The following KAZN variants were observed in gnomAD, a reference collection of about 807,000 sequenced individuals.
The protein encoded by KAZN is kazrin, periplakin interacting protein, also known as kazrin.
Under a neutral mutation model 87.4 loss-of-function variants are expected in KAZN, and 40 were observed. The ratio of observed to expected loss-of-function variants is 0.46; its 90% confidence interval spans 0.36 to 0.60. The LOEUF (loss-of-function observed/expected upper bound fraction) is 0.60, where lower values mean the gene tolerates loss of function less well. Among genes scored for constraint, KAZN ranks in the 20% least tolerant of loss-of-function variants. The probability of loss-of-function intolerance (pLI) is 0.00; values close to 1 mark genes in which losing one functional copy is unlikely to be tolerated. For missense variants in KAZN, 898 were observed against 1,073.9 expected (o/e 0.84, Z 2.29); for synonymous variants, 466 against 458.3 (o/e 1.02, Z -0.22).
chr1:14,819,924 G>C (rs1293175642), intron 1 of KAZN, among the ~76,000 whole-genome samples: 1 of 151,890 alleles, frequency 6.6e-6, no homozygotes, highest in Non-Finnish European at 1.5e-5. Context: ...TGGCCAGGCT[G>C]GTCTTGAACT....
At chr1:14,472,613 A>C (rs1668512928) in intron 2 of KAZN, among the ~76,000 whole-genome samples, 1 of 151,794 alleles carries the variant, frequency 6.6e-6, no homozygotes, top group South Asian at 2.1e-4. Context: ...AATATTAATG[A>C]GCATCAGTAA....
intron 1 of KAZN, among the ~76,000 whole-genome samples, chr1:13,959,255 A>G (rs960234101): frequency 1.3e-5 from 2 of 152,074 alleles, no homozygotes; most frequent in African/African-American, 4.8e-5. Flanking sequence ...ACCAAAACCA[A>G]ATCTGCCACC....
At chr1:14,133,375 AAAAAAGAAAGAAAGAAAGAAAGAAAG>A (rs1226086532) in intron 1 of KAZN, among the ~76,000 whole-genome samples, 1,351 of 82,890 alleles carry the variant, frequency 0.016, 149 homozygotes, top group African/African-American at 0.077. Context: ...CAAAAAAAAA[AAAAAAGAAAGAAAGAAAGAAAGAAAG>A]AAAGAAAGAA....
At chr1:14,115,335 A>G (rs1000179112) in intron 1 of KAZN, among the ~76,000 whole-genome samples, 4 of 152,168 alleles carry the variant, frequency 2.6e-5, no homozygotes, top group Admixed American at 2.0e-4. Flanking sequence ...CCCCACCCAA[A>G]TCTCATCTTG....
chr1:14,402,835 T>TG (rs1417354484), intron 2 of KAZN, among the ~76,000 whole-genome samples: 1 of 151,816 alleles, frequency 6.6e-6, no homozygotes, highest in African/African-American at 2.4e-5. Context: ...ATAGAAACTT[T>TG]TTTTTTTTTT....
intron 2 of KAZN, among the ~76,000 whole-genome samples, chr1:14,527,927 A>G (rs994597422): frequency 3.9e-5 from 6 of 152,134 alleles, no homozygotes; most frequent in African/African-American, 1.4e-4. Context: ...ACATATCCAA[A>G]CTATAGCACT....
chr1:15,002,056 A>G (rs1283291208), intron 2 of KAZN, among the ~76,000 whole-genome samples: 4 of 151,216 alleles, frequency 2.6e-5, no homozygotes, highest in Admixed American at 2.6e-4. Flanking sequence ...AATTTTTTGT[A>G]TTTTTAGTAG....
At chr1:14,088,934 A>G (rs961066929) in intron 1 of KAZN, among the ~76,000 whole-genome samples, 4 of 150,630 alleles carry the variant, frequency 2.7e-5, no homozygotes, top group Non-Finnish European at 5.9e-5. Flanking sequence ...TACTTTTTCT[A>G]AGATTCATAC....
In KAZN at chr1:15,077,598, C is replaced by A; in HGVS notation, c.1222+11845C>A. Among the ~76,000 whole-genome samples, 1 of 152,192 alleles carries A rather than the reference C, an allele frequency of 6.6e-6. No homozygotes were observed. Among genetic ancestry groups the A allele is most frequent in the East Asian group, 1.9e-4 (1 of 5,186 alleles). On this transcript the variant is annotated intron_variant, in intron 8 of 14. Transcript: ENST00000376030. This position sits in a 1 kb window ranked among gnomAD's most constrained non-coding sequence, Gnocchi z 4.8. ...CAGGACCAGGTCAGCTGCTTGCAGC[C>A]ACGTGACTCAGTTGTTTTTTATAGT...
intron 1 of KAZN, among the ~76,000 whole-genome samples, chr1:14,013,605 G>C (rs558206370): frequency 6.6e-6 from 1 of 152,302 alleles, no homozygotes; most frequent in South Asian, 2.1e-4. Context: ...GCACCAGAAA[G>C]GAAGGGTTCG....
intron 4 of KAZN, among the ~76,000 whole-genome samples, chr1:15,051,584 C>G (rs557170795): frequency 1.3e-5 from 2 of 152,320 alleles, no homozygotes; most frequent in African/African-American, 4.8e-5. Context: ...GGACCAAGCA[C>G]TTTCCCAGCA....
intron 2 of KAZN, among the ~76,000 whole-genome samples, chr1:14,255,375 A>G (rs1341648498): frequency 6.6e-6 from 1 of 152,144 alleles, no homozygotes; most frequent in African/African-American, 2.4e-5. Context: ...TGGCAGGGAC[A>G]TATATTCAAA....
At chr1:14,391,060 C>T (rs967104674) in intron 2 of KAZN, among the ~76,000 whole-genome samples, 1 of 152,304 alleles carries the variant, frequency 6.6e-6, no homozygotes, top group African/African-American at 2.4e-5. Context: ...TTAACAGAGC[C>T]ACTCTGGCTG....
At chr1:14,263,827 C>T (rs1651266871) in intron 2 of KAZN, among the ~76,000 whole-genome samples, 1 of 152,192 alleles carries the variant, frequency 6.6e-6, no homozygotes, top group South Asian at 2.1e-4. Flanking sequence ...CTCTTAGAGA[C>T]CTACTGGCAC....
At chr1:14,283,373 TAGAAG>T (rs1382656718) in intron 2 of KAZN, among the ~76,000 whole-genome samples, 2 of 152,156 alleles carry the variant, frequency 1.3e-5, no homozygotes, top group Non-Finnish European at 2.9e-5. Flanking sequence ...AGGACATTGA[TAGAAG>T]AGGCTACTGA....
intron 2 of KAZN, among the ~76,000 whole-genome samples, chr1:14,486,229 G>T (rs1400686705): frequency 6.6e-6 from 1 of 152,138 alleles, no homozygotes; most frequent in Admixed American, 6.5e-5. Flanking sequence ...TAAGTTTAAA[G>T]ACATTAAGAT....
chr1:14,911,330 A>G (rs1415939219), intron 1 of KAZN, among the ~76,000 whole-genome samples: 2 of 152,210 alleles, frequency 1.3e-5, no homozygotes, highest in Non-Finnish European at 2.9e-5. Flanking sequence ...GAGAAGTGAG[A>G]TTGAATTCAT....
intron 2 of KAZN, among the ~76,000 whole-genome samples, chr1:14,469,832 A>T (rs1668356866): frequency 6.6e-6 from 1 of 152,206 alleles, no homozygotes; most frequent in Non-Finnish European, 1.5e-5. Context: ...ATTTGGGACT[A>T]ACCTCAGACA....
chr1:13,939,744 A>G (rs1640863559), intron 1 of KAZN, among the ~76,000 whole-genome samples: 2 of 152,194 alleles, frequency 1.3e-5, no homozygotes, highest in Non-Finnish European at 2.9e-5. Flanking sequence ...CTCATAGTCC[A>G]CAGGCTATAT....
Sources: gnomAD v4.1 joint callset for allele counts (sites outside exome capture counted in the v4.1 genomes callset) on GRCh38, gnomAD v4.1.1 for gene constraint, Gnocchi (gnomAD v3.1) non-coding constraint, MANE v1.5 for transcripts, NCBI Gene and HGNC (gene_info 2026-07-23, HGNC 2026-07-21) for gene names.